The following URI1 variants were observed in gnomAD, a reference collection of about 807,000 sequenced individuals.
URI1 encodes unconventional prefoldin RPB5 interactor 1.
A neutral mutation model predicts 60.2 loss-of-function variants in URI1; 39 were observed. That is an observed-to-expected ratio of 0.65 (90% CI 0.50 to 0.85). URI1 has a LOEUF of 0.85. Among genes scored for constraint, URI1 ranks in the 40% least tolerant of loss-of-function variants. The pLI is 0.00. For synonymous variants in URI1, 251 were observed against 236.8 expected (o/e 1.06, Z -0.55); for missense variants, 691 against 665.9 (o/e 1.04, Z -0.42).
chr19:29,971,256 C>T (rs2055455914), intron 2 of URI1, 29 bp downstream of exon 2: 1 of 1,609,834 alleles, frequency 6.2e-7, no homozygotes, highest in Non-Finnish European at 8.5e-7. Flanking sequence ...TATTACACTT[C>T]TGAAATACTG....
intron 1 of URI1, chr19:29,958,028 G>A (rs1264256434): frequency 6.6e-6 from 1 of 151,828 alleles, no homozygotes; most frequent in East Asian, 1.9e-4. Context: ...GGCCTCAAGT[G>A]ATCCACCCGC....
chr19:29,997,122 T>C (rs2055822215), intron 4 of URI1, among the ~76,000 whole-genome samples: 1 of 152,180 alleles, frequency 6.6e-6, no homozygotes, highest in Non-Finnish European at 1.5e-5. Flanking sequence ...TTTCATTGTT[T>C]AGAAGAGTTT....
intron 4 of URI1, among the ~76,000 whole-genome samples, chr19:30,002,840 A>C (rs1405463648): frequency 6.6e-6 from 1 of 152,008 alleles, no homozygotes; most frequent in Non-Finnish European, 1.5e-5. Flanking sequence ...TCTATATCAC[A>C]AAGTATATTT....
upstream of URI1, among the ~76,000 whole-genome samples, chr19:29,939,527 A>G (rs556229907): frequency 3.2e-3 from 428 of 132,144 alleles, 1 homozygote; most frequent in African/African-American, 0.011. Flanking sequence ...GCCTGCCTCC[A>G]CCTCCCAAAG....
chr19:29,969,282 A>G (rs573381206), intron 1 of URI1, among the ~76,000 whole-genome samples: 1 of 152,312 alleles, frequency 6.6e-6, no homozygotes, highest in Non-Finnish European at 1.5e-5. Context: ...AAGGGAAGTA[A>G]AAGGAACAGG....
At chr19:29,931,687 G>C (rs996048815) in intron 1 of URI1, among the ~76,000 whole-genome samples, 4 of 152,066 alleles carry the variant, frequency 2.6e-5, no homozygotes, top group Non-Finnish European at 5.9e-5. Flanking sequence ...ATTTCTTTCA[G>C]CAGTGTTTTG....
chr19:29,981,063 A>C (rs2055591724), intron 2 of URI1, among the ~76,000 whole-genome samples: 1 of 151,524 alleles, frequency 6.6e-6, no homozygotes, highest in South Asian at 2.1e-4. Context: ...TAAAGGTTGG[A>C]GTCTTTATCA....
At chr19:30,007,050 C>T (rs1197642098) in intron 6 of URI1, among the ~76,000 whole-genome samples, 1 of 152,020 alleles carries the variant, frequency 6.6e-6, no homozygotes, top group Non-Finnish European at 1.5e-5. Context: ...ACTAGATTTC[C>T]TTGAGTAAGG....
At chr19:29,952,439 C>T (rs1024311777) in intron 1 of URI1, among the ~76,000 whole-genome samples, 3 of 152,102 alleles carry the variant, frequency 2.0e-5, no homozygotes, top group Non-Finnish European at 4.4e-5. Flanking sequence ...TTAATTTTTC[C>T]TTATTCTAAT....
chr19:30,005,483 T>C (rs777087636), intron 5 of URI1, 31 bp downstream of exon 5: 5 of 1,530,436 alleles, frequency 3.3e-6, no homozygotes, highest in Non-Finnish European at 3.5e-6. Context: ...TTCTATATTT[T>C]TAGAAAATAT....
At chr19:29,973,280 A>T (rs918774422) in intron 2 of URI1, among the ~76,000 whole-genome samples, 8 of 152,186 alleles carry the variant, frequency 5.3e-5, no homozygotes, top group Non-Finnish European at 1.0e-4. Context: ...TATAACAGGG[A>T]AATCACGATA....
intron 1 of URI1, among the ~76,000 whole-genome samples, chr19:29,929,336 C>T (rs2054896223): frequency 6.7e-6 from 1 of 149,736 alleles, no homozygotes; most frequent in Non-Finnish European, 1.5e-5. Context: ...GTGACTCATG[C>T]CTGTAATCCC....
At chr19:29,986,243 T>G (rs1370041436) in intron 3 of URI1, 39 bp from the exon 4 acceptor site, 1 of 1,521,170 alleles carries the variant, frequency 6.6e-7, no homozygotes, top group Non-Finnish European at 8.8e-7. Flanking sequence ...TTTCAGTGTT[T>G]TATGTTTTTT....
chr19:30,003,710 A>C (rs555957586), intron 4 of URI1, among the ~76,000 whole-genome samples: 1 of 152,176 alleles, frequency 6.6e-6, no homozygotes, highest in African/African-American at 2.4e-5. Flanking sequence ...CACATTGACA[A>C]CCCAAGGCTT....
intron 2 of URI1, among the ~76,000 whole-genome samples, chr19:29,974,066 A>G (rs1473840919): frequency 2.0e-5 from 3 of 152,154 alleles, no homozygotes; most frequent in African/African-American, 4.8e-5. Context: ...CTTAAAGAGC[A>G]TGGCATTTGG....
intron 4 of URI1, among the ~76,000 whole-genome samples, chr19:30,002,704 G>A (rs1045245552): frequency 1.3e-5 from 2 of 151,840 alleles, no homozygotes; most frequent in African/African-American, 4.8e-5. Flanking sequence ...GTGGGGGGAA[G>A]TATCTGTGGA....
intron 1 of URI1, among the ~76,000 whole-genome samples, chr19:29,928,133 G>A (rs376795437): frequency 6.6e-6 from 1 of 152,134 alleles, no homozygotes; most frequent in African/African-American, 2.4e-5. Flanking sequence ...TGTGCAAGCA[G>A]AAGTTTTCAA....
upstream of URI1, among the ~76,000 whole-genome samples, chr19:29,941,951 T>C (rs2055028762): frequency 1.3e-5 from 2 of 150,412 alleles, no homozygotes; most frequent in Admixed American, 6.6e-5. Context: ...TTGCCGAGCG[T>C]TTCCTGGGCG....
At chr19:30,003,939 C>A (rs1187049144) in intron 4 of URI1, among the ~76,000 whole-genome samples, 1 of 152,062 alleles carries the variant, frequency 6.6e-6, no homozygotes, top group Non-Finnish European at 1.5e-5. Context: ...ATAACCTTAA[C>A]CTTTTCCCTG....
Sources: gnomAD v4.1 joint callset for allele counts (sites outside exome capture counted in the v4.1 genomes callset) on GRCh38, gnomAD v4.1.1 for gene constraint, MANE v1.5 for transcripts, NCBI Gene and HGNC (gene_info 2026-07-23, HGNC 2026-07-21) for gene names.